Variants in ARHGAP10 observed in about 807,000 individuals in gnomAD.
ARHGAP10 encodes Rho GTPase activating protein 10.
In ARHGAP10, 87 loss-of-function variants were observed where a neutral mutation model predicts 108.6. That is an observed-to-expected ratio of 0.80 (90% CI 0.67 to 0.96). The LOEUF is 0.96. Among genes scored for constraint, ARHGAP10 ranks in the 40% least tolerant of loss-of-function variants. ARHGAP10 has a pLI of 0.00. For synonymous variants in ARHGAP10, 347 were observed against 341.1 expected (o/e 1.02, Z -0.19); for missense variants, 939 against 954.5 (o/e 0.98, Z 0.21).
intron 1 of ARHGAP10, among the ~76,000 whole-genome samples, chr4:147,743,488 T>C (rs1381901691): frequency 6.6e-6 from 1 of 152,136 alleles, no homozygotes; most frequent in Non-Finnish European, 1.5e-5. Context: ...AAAATGTGGA[T>C]AATAGTCAGC....
intron 16 of ARHGAP10, among the ~76,000 whole-genome samples, chr4:147,957,747 A>T (rs1049612696): frequency 5.9e-5 from 9 of 152,110 alleles, no homozygotes; most frequent in South Asian, 2.1e-4. Flanking sequence ...TTCTCTCATC[A>T]GTTTCTTTCC....
intron 22 of ARHGAP10, among the ~76,000 whole-genome samples, chr4:148,065,817 AACAAAAATTGAC>A (rs1729844018): frequency 6.6e-6 from 1 of 152,160 alleles, no homozygotes; most frequent in Admixed American, 6.5e-5. Flanking sequence ...GGCTGCAGGT[AACAAAAATTGAC>A]ACAACTGTTT....
intron 1 of ARHGAP10, among the ~76,000 whole-genome samples, chr4:147,799,017 G>A (rs1461388442): frequency 6.6e-6 from 1 of 150,892 alleles, no homozygotes; most frequent in Non-Finnish European, 1.5e-5. Flanking sequence ...CCTAGCCTTG[G>A]CCTGAATTTC....
rs1729445634 is a variant in ARHGAP10 at position 147,757,884 on chromosome 4, A to AT, written c.154+25430dup. Among the ~76,000 whole-genome samples the AT allele has an allele frequency of 3.9e-5, 6 of 152,238 alleles. No individual in the cohort carries two copies. In the South Asian group the frequency reaches 1.2e-3, roughly 32 times the overall value. On this transcript the variant is annotated intron_variant, in intron 1 of 22. Coordinates refer to ENST00000336498, the MANE Select transcript of ARHGAP10 (RefSeq NM_024605.4). ...GCCCATCCCTGTCCAGTCACCTGTG[A>AT]TACAGAACAGGTGTGCCCGAGACTG...
intron 18 of ARHGAP10, among the ~76,000 whole-genome samples, chr4:147,980,741 C>G (rs995291852): frequency 6.6e-6 from 1 of 152,032 alleles, no homozygotes. Context: ...TTCAGGATTT[C>G]TCTTTCTTCT....
chr4:148,057,049 C>G (rs1336125092), intron 20 of ARHGAP10, among the ~76,000 whole-genome samples: 5 of 152,160 alleles, frequency 3.3e-5, no homozygotes, highest in African/African-American at 9.7e-5. Context: ...GTGGATGACA[C>G]TAAGTGCAGG....
intron 10 of ARHGAP10, among the ~76,000 whole-genome samples, chr4:147,901,447 G>C (rs1219484813): frequency 6.6e-6 from 1 of 152,158 alleles, no homozygotes; most frequent in Non-Finnish European, 1.5e-5. Flanking sequence ...ACTGTTTTGA[G>C]TTATCATTAC....
At chr4:147,750,881 G>A (rs563629291) in intron 1 of ARHGAP10, among the ~76,000 whole-genome samples, 2 of 152,024 alleles carry the variant, frequency 1.3e-5, no homozygotes, top group Non-Finnish European at 2.9e-5. Flanking sequence ...GATTACAGGC[G>A]TGAGCCACTG....
intron 1 of ARHGAP10, among the ~76,000 whole-genome samples, chr4:147,764,364 G>A (rs1579014663): frequency 6.6e-6 from 1 of 151,956 alleles, no homozygotes; most frequent in Non-Finnish European, 1.5e-5. Flanking sequence ...AGGTGGGTCA[G>A]TAAACAGCAC....
chr4:147,882,011 C>T (rs1735348876), intron 10 of ARHGAP10, 79 bp downstream of exon 10: 2 of 1,242,112 alleles, frequency 1.6e-6, no homozygotes, highest in East Asian at 2.3e-5. Flanking sequence ...TTAGTTGCAA[C>T]TGTGATTTCT....
At chr4:147,884,773 A>G (rs1011177716) in intron 10 of ARHGAP10, among the ~76,000 whole-genome samples, 2 of 152,224 alleles carry the variant, frequency 1.3e-5, no homozygotes, top group African/African-American at 4.8e-5. Context: ...TGAGACACCT[A>G]GCGTCACTAG....
chr4:148,027,210 A>T (rs906885776), intron 19 of ARHGAP10, among the ~76,000 whole-genome samples: 2 of 152,216 alleles, frequency 1.3e-5, no homozygotes, highest in Admixed American at 6.5e-5. Context: ...ACTAGGTTTT[A>T]TATGTATCTT....
chr4:147,873,613 C>T (rs954660641), intron 7 of ARHGAP10, among the ~76,000 whole-genome samples: 4 of 150,914 alleles, frequency 2.7e-5, no homozygotes, highest in South Asian at 4.2e-4. Flanking sequence ...ATTGCTTGAG[C>T]CCAGGAGTTC....
At chr4:148,070,888 G>A (rs1399972415) in intron 22 of ARHGAP10, among the ~76,000 whole-genome samples, 2 of 152,222 alleles carry the variant, frequency 1.3e-5, no homozygotes, top group Non-Finnish European at 2.9e-5. Context: ...GTTATGAAAT[G>A]CTTCTGTATT....
At chr4:147,819,047 G>A (rs1489540409) in intron 1 of ARHGAP10, among the ~76,000 whole-genome samples, 1 of 152,178 alleles carries the variant, frequency 6.6e-6, no homozygotes, top group African/African-American at 2.4e-5. Context: ...TTTACATAGG[G>A]AGAAATACAT....
chr4:148,014,106 G>A lies in ARHGAP10; in HGVS notation c.1717-9157G>A, dbSNP rs1309176850. 2.0e-5 allele frequency among the ~76,000 whole-genome samples: 3 copies of A among 152,188 alleles called. No individual in the cohort carries two copies. In the East Asian group the frequency reaches 5.8e-4, roughly 29 times the overall value. ...GGAAGAAGAGGAGAAAAAAAGGAAT[G>A]TTGTGTATGGACTATACCTTATAGT... On this transcript the variant is annotated intron_variant, in intron 18 of 22. Coordinates refer to ENST00000336498, the MANE Select transcript of ARHGAP10 (RefSeq NM_024605.4).
At chr4:147,746,424 T>C (rs2126686096) in intron 1 of ARHGAP10, among the ~76,000 whole-genome samples, 1 of 146,882 alleles carries the variant, frequency 6.8e-6, no homozygotes, top group East Asian at 2.0e-4. Context: ...TTTTTTGAGA[T>C]GGAGTTTTGC....
At chr4:147,849,848 T>C (rs1170086396) in intron 4 of ARHGAP10, among the ~76,000 whole-genome samples, 1 of 152,250 alleles carries the variant, frequency 6.6e-6, no homozygotes, top group Non-Finnish European at 1.5e-5. Flanking sequence ...GACGTATCCC[T>C]CCATTTTATG....
At chr4:147,738,466 T>A (rs1197231340) in intron 1 of ARHGAP10, among the ~76,000 whole-genome samples, 2 of 152,008 alleles carry the variant, frequency 1.3e-5, no homozygotes, top group African/African-American at 4.8e-5. Context: ...GGCAGGAGAA[T>A]GGCGTGGACC....
Sources: gnomAD v4.1 joint callset for allele counts (sites outside exome capture counted in the v4.1 genomes callset) on GRCh38, gnomAD v4.1.1 for gene constraint, MANE v1.5 for transcripts, NCBI Gene and HGNC (gene_info 2026-07-23, HGNC 2026-07-21) for gene names.